CCSER2: variants seen among roughly 807,000 people sequenced by gnomAD.
The protein encoded by CCSER2 is serine-rich coiled-coil domain-containing protein 2.
Under a neutral mutation model 92.3 loss-of-function variants are expected in CCSER2, and 46 were observed. That is an observed-to-expected ratio of 0.50 (90% CI 0.39 to 0.64). The LOEUF (loss-of-function observed/expected upper bound fraction) is 0.64. CCSER2 is among the 30% of genes least tolerant of loss of function. The pLI is 0.00. For missense variants in CCSER2, 1,244 were observed against 1,238.9 expected, an observed-to-expected ratio of 1.00 and a Z score of -0.06; for synonymous variants, 433 against 431.4, an observed-to-expected ratio of 1.00 and a Z score of -0.04.
intron 1 of CCSER2, among the ~76,000 whole-genome samples, chr10:84,341,964 C>T (rs1039329807): frequency 6.6e-6 from 1 of 152,220 alleles, no homozygotes; most frequent in Admixed American, 6.5e-5. Context: ...ATTCAGCTCT[C>T]TGAACCCTGT....
At chr10:84,496,501 G>A (rs1848458059) in intron 9 of CCSER2, among the ~76,000 whole-genome samples, 1 of 152,088 alleles carries the variant, frequency 6.6e-6, no homozygotes, top group Non-Finnish European at 1.5e-5. Context: ...TAGCCAGGAT[G>A]GTCTGGATCT....
chr10:84,369,124 T>C (rs1304419655), intron 1 of CCSER2, among the ~76,000 whole-genome samples: 1 of 151,554 alleles, frequency 6.6e-6, no homozygotes, highest in Non-Finnish European at 1.5e-5. Context: ...AATTTTGCTG[T>C]GATAAACATA....
intron 3 of CCSER2, among the ~76,000 whole-genome samples, chr10:84,414,767 C>T: frequency 6.6e-6 from 1 of 152,156 alleles, no homozygotes; most frequent in South Asian, 2.1e-4. Context: ...TTCTCCCCAT[C>T]TCTTTCGGGT....
chr10:84,364,925 A>G (rs188776983), intron 1 of CCSER2, among the ~76,000 whole-genome samples: 1 of 152,082 alleles, frequency 6.6e-6, no homozygotes, highest in East Asian at 1.9e-4. Context: ...TATTTGTGGC[A>G]GAGACAGGGT....
At chr10:84,472,641 A>G (rs1846885207) in intron 8 of CCSER2, among the ~76,000 whole-genome samples, 1 of 152,206 alleles carries the variant, frequency 6.6e-6, no homozygotes, top group African/African-American at 2.4e-5. Flanking sequence ...GGATTGCAAT[A>G]GTAAAATTAG....
At chr10:84,384,973 C>A (rs1171395202) in intron 3 of CCSER2, among the ~76,000 whole-genome samples, 1 of 150,068 alleles carries the variant, frequency 6.7e-6, no homozygotes, top group Non-Finnish European at 1.5e-5. Context: ...TCAAACAGAA[C>A]CAAATTGAGA....
intron 1 of CCSER2, among the ~76,000 whole-genome samples, chr10:84,366,523 G>A (rs1459641313): frequency 6.6e-6 from 1 of 152,178 alleles, no homozygotes; most frequent in Non-Finnish European, 1.5e-5. Flanking sequence ...TATTATTGCT[G>A]TGAAGAGAAT....
At chr10:84,440,660 C>G (rs1197054393) in intron 6 of CCSER2, among the ~76,000 whole-genome samples, 2 of 152,104 alleles carry the variant, frequency 1.3e-5, no homozygotes, top group Non-Finnish European at 2.9e-5. Flanking sequence ...TTCTTTCTTC[C>G]TAGTTTATTC....
intron 1 of CCSER2, among the ~76,000 whole-genome samples, chr10:84,368,047 AG>A (rs1845874475): frequency 6.6e-6 from 1 of 152,246 alleles, no homozygotes; most frequent in African/African-American, 2.4e-5. Context: ...TATGGGCTTC[AG>A]ATCCTTCCCT....
At chr10:84,375,617 A>T in intron 3 of CCSER2, among the ~76,000 whole-genome samples, 1 of 145,372 alleles carries the variant, frequency 6.9e-6, no homozygotes. Flanking sequence ...TTTTGTTTTC[A>T]CACTCCTTTT....
At chr10:84,357,040 A>T (rs1021175381) in intron 1 of CCSER2, among the ~76,000 whole-genome samples, 1 of 152,208 alleles carries the variant, frequency 6.6e-6, no homozygotes, top group Non-Finnish European at 1.5e-5. Context: ...GCAGCAGATG[A>T]TTGAAAGTCA....
intron 6 of CCSER2, among the ~76,000 whole-genome samples, chr10:84,457,606 TTATATATAATTATATATTTATATATTATA>T (rs1235215481): frequency 1.2e-5 from 1 of 86,946 alleles, no homozygotes; most frequent in Non-Finnish European, 2.2e-5. Context: ...TATTTATATA[TTATATATAATTATATATTTATATATTATA>T]TATAATTATA....
intron 6 of CCSER2, among the ~76,000 whole-genome samples, chr10:84,462,457 T>C (rs773096099): frequency 1.3e-5 from 2 of 152,212 alleles, no homozygotes; most frequent in African/African-American, 4.8e-5. Context: ...TTCTCAAATA[T>C]ACTTGTAGGT....
At position 84,371,380 on chromosome 10, in the gene CCSER2, A is replaced by G. The variant is rs1420678846; in HGVS notation, c.328A>G (p.Ile110Val). 7 of 1,613,410 alleles carry G rather than the reference A, an allele frequency of 4.3e-6. No individual in the cohort carries two copies. The highest frequency in any genetic ancestry group is 2.7e-5 in the African/African-American group (2 of 74,894). ...TCAAGGAATGTTTGATAAAAATGGG[A>G]TAAAGGGAGGTTTGAAAAGTGTTTC... The part of the protein sequence containing the change: ...PTQGMFDKNG[I>V]KGGLKSVSLF... Residue 110 changes from isoleucine (I) to valine (V), a missense_variant, in exon 2 of 10, where the codon ATA becomes GTA. Ile to Val is a conservative substitution (Grantham distance 29). Transcript: ENST00000372088.
At chr10:84,410,709 A>G (rs10887285) in intron 3 of CCSER2, among the ~76,000 whole-genome samples, 7,057 of 152,154 alleles carry the variant, frequency 0.046, 235 homozygotes, top group East Asian at 0.16. Context: ...CTCCCATTCC[A>G]TAGGTTGTCT....
intron 4 of CCSER2, among the ~76,000 whole-genome samples, chr10:84,424,649 A>G (rs1018168039): frequency 6.6e-6 from 1 of 152,074 alleles, no homozygotes; most frequent in Non-Finnish European, 1.5e-5. Context: ...GTGAAACAGT[A>G]ATTTAAATAA....
Position 84,422,987 on chromosome 10 carries a change from G to A in CCSER2, c.1706-2744G>A, listed in dbSNP as rs367856327. On this transcript the variant is annotated intron_variant, in intron 4 of 9. Coordinates refer to ENST00000372088, the MANE Select transcript of CCSER2 (RefSeq NM_001284240.2). ...GGAGAATAGCTTGAACCTGGGAGGC[G>A]GAGGCTGCAGTGAGGCAAGATCATG... Among the ~76,000 whole-genome samples, 403 of 151,820 alleles carry A rather than the reference G, an allele frequency of 2.7e-3. 2 individuals carry two copies. The highest frequency in any genetic ancestry group is 9.0e-3 in the African/African-American group (372 of 41,382).
chr10:84,376,157 T>C (rs1846326640), intron 3 of CCSER2, among the ~76,000 whole-genome samples: 2 of 152,120 alleles, frequency 1.3e-5, no homozygotes, highest in South Asian at 2.1e-4. Flanking sequence ...TCCCAACAAA[T>C]AGTTTGTAGA....
intron 3 of CCSER2, among the ~76,000 whole-genome samples, chr10:84,416,300 A>G (rs1053055450): frequency 6.6e-6 from 1 of 152,094 alleles, no homozygotes; most frequent in African/African-American, 2.4e-5. Flanking sequence ...GAGAACCTGG[A>G]TATTTCAGTT....
Sources: allele counts gnomAD v4.1 joint callset (sites outside exome capture counted in the v4.1 genomes callset), GRCh38; gene constraint gnomAD v4.1.1; transcripts MANE v1.5; gene names NCBI Gene and HGNC (gene_info 2026-07-23, HGNC 2026-07-21).